The following TMEFF1 variants were observed in gnomAD, a reference collection of about 807,000 sequenced individuals.
TMEFF1 encodes the protein tomoregulin-1.
In TMEFF1, 20 loss-of-function variants were observed where a neutral mutation model predicts 47.5. The ratio of observed to expected loss-of-function variants is 0.42; its 90% CI spans 0.30 to 0.61. The LOEUF (loss-of-function observed/expected upper bound fraction) is 0.61. Ranked by LOEUF, TMEFF1 falls within the 20% of genes least tolerant of loss-of-function variation. TMEFF1 has a pLI of 0.19. For synonymous variants in TMEFF1, 162 were observed against 166.3 expected, an observed-to-expected ratio of 0.97 and a Z score of 0.20; for missense variants, 411 against 471.1, an observed-to-expected ratio of 0.87 and a Z score of 1.18.
At chr9:100,555,445 A>G (rs1838899879) in intron 7 of TMEFF1, among the ~76,000 whole-genome samples, 1 of 152,068 alleles carries the variant, frequency 6.6e-6, no homozygotes, top group South Asian at 2.1e-4. Context: ...TCTGCTTTTT[A>G]TCTGTTTCCT....
At chr9:100,501,523 A>G (rs1218801109) in intron 2 of TMEFF1, among the ~76,000 whole-genome samples, 2 of 152,112 alleles carry the variant, frequency 1.3e-5, no homozygotes, top group African/African-American at 2.4e-5. Flanking sequence ...GCATATATAC[A>G]TACTCTGTGC....
chr9:100,489,612 A>G (rs1837513623), intron 1 of TMEFF1, among the ~76,000 whole-genome samples: 1 of 152,248 alleles, frequency 6.6e-6, no homozygotes, highest in African/African-American at 2.4e-5. Context: ...GAAAGCTTAA[A>G]TTCTACCGAG....
intron 1 of TMEFF1, among the ~76,000 whole-genome samples, chr9:100,496,689 C>A (rs1452919680): frequency 6.6e-6 from 1 of 152,194 alleles, no homozygotes; most frequent in Non-Finnish European, 1.5e-5. Flanking sequence ...ATCCACTGTA[C>A]CTGTAAAGTA....
chr9:100,565,570 TCTC>T (rs1839110863), intron 8 of TMEFF1, among the ~76,000 whole-genome samples: 1 of 152,136 alleles, frequency 6.6e-6, no homozygotes, highest in Non-Finnish European at 1.5e-5. Flanking sequence ...GTTTATACAT[TCTC>T]CTCCTCTCCT....
chr9:100,559,989 A>T (rs1362107047), intron 7 of TMEFF1, among the ~76,000 whole-genome samples: 1 of 151,982 alleles, frequency 6.6e-6, no homozygotes, highest in African/African-American at 2.4e-5. Context: ...TCCTCAGAAA[A>T]TCCGCGTTTT....
chr9:100,484,297 A>G (rs978897163), intron 1 of TMEFF1, among the ~76,000 whole-genome samples: 7 of 151,338 alleles, frequency 4.6e-5, no homozygotes, highest in African/African-American at 1.5e-4. Flanking sequence ...GAACATTTTC[A>G]TCTCCTCCAA....
intron 5 of TMEFF1, among the ~76,000 whole-genome samples, chr9:100,542,730 G>A (rs771839445): frequency 1.3e-5 from 2 of 152,010 alleles, no homozygotes; most frequent in African/African-American, 4.8e-5. Flanking sequence ...TGATATTTCA[G>A]TATGTGGATC....
intron 1 of TMEFF1, among the ~76,000 whole-genome samples, chr9:100,492,675 A>G (rs887808707): frequency 1.3e-5 from 2 of 152,004 alleles, no homozygotes; most frequent in Admixed American, 6.6e-5. Flanking sequence ...AGGTCAGAAA[A>G]TTGGGGGGAT....
chr9:100,557,939 T>C (rs1334230698), intron 7 of TMEFF1, among the ~76,000 whole-genome samples: 1 of 152,124 alleles, frequency 6.6e-6, no homozygotes, highest in African/African-American at 2.4e-5. Flanking sequence ...AGCGGAATAT[T>C]AGACTCTGTG....
intron 5 of TMEFF1, among the ~76,000 whole-genome samples, chr9:100,530,370 T>A (rs1402352750): frequency 6.6e-6 from 1 of 151,416 alleles, no homozygotes; most frequent in African/African-American, 2.4e-5. Context: ...GAGAGAAGAA[T>A]CAAATAGACG....
At chr9:100,565,674 T>A (rs1393191231) in intron 8 of TMEFF1, among the ~76,000 whole-genome samples, 1 of 152,206 alleles carries the variant, frequency 6.6e-6, no homozygotes, top group Non-Finnish European at 1.5e-5. Context: ...TCTTTCCAAG[T>A]TCACTGAGAA....
At chr9:100,499,883 A>G (rs909926079) in intron 2 of TMEFF1, among the ~76,000 whole-genome samples, 1 of 152,222 alleles carries the variant, frequency 6.6e-6, no homozygotes, top group African/African-American at 2.4e-5. Flanking sequence ...GAGGAAGGGT[A>G]TGTAGGTATA....
chr9:100,508,942 ATG>A, intron 2 of TMEFF1, 61 bp from the exon 3 acceptor site: 1 of 1,445,872 alleles, frequency 6.9e-7, no homozygotes, highest in African/African-American at 1.5e-5. Flanking sequence ...GCATTCATGA[ATG>A]TGAAATAAAC....
At chr9:100,522,430 CTTTTTT>C (rs869111876) in intron 5 of TMEFF1, among the ~76,000 whole-genome samples, 18 of 69,644 alleles carry the variant, frequency 2.6e-4, no homozygotes, top group Middle Eastern at 0.02. Context: ...GAAATATCTT[CTTTTTT>C]TTTTTTTTTT....
chr9:100,567,593 G>A (rs1839148104), intron 8 of TMEFF1, among the ~76,000 whole-genome samples: 1 of 152,166 alleles, frequency 6.6e-6, no homozygotes, highest in Non-Finnish European at 1.5e-5. Flanking sequence ...CAATAATTGT[G>A]GTAAATGGAT....
At chr9:100,503,533 GAAAC>G (rs947111606) in intron 2 of TMEFF1, among the ~76,000 whole-genome samples, 1 of 110,276 alleles carries the variant, frequency 9.1e-6, no homozygotes, top group Non-Finnish European at 1.8e-5. Context: ...CAGAGAAACA[GAAAC>G]ACACACACAC....
intron 5 of TMEFF1, among the ~76,000 whole-genome samples, chr9:100,527,422 A>G (rs949785391): frequency 1.3e-5 from 2 of 152,222 alleles, no homozygotes; most frequent in Non-Finnish European, 2.9e-5. Flanking sequence ...GCATTGCCTC[A>G]CTCGGGAAGT....
At chr9:100,555,244 C>G (rs2118530479) in intron 7 of TMEFF1, among the ~76,000 whole-genome samples, 1 of 152,172 alleles carries the variant, frequency 6.6e-6, no homozygotes, top group Non-Finnish European at 1.5e-5. Flanking sequence ...AGTTGTTGTT[C>G]TTGGAGCCTG....
At chr9:100,481,591 C>A (rs1294821662) in intron 1 of TMEFF1, among the ~76,000 whole-genome samples, 1 of 152,056 alleles carries the variant, frequency 6.6e-6, no homozygotes, top group Non-Finnish European at 1.5e-5. Flanking sequence ...GGTTCAAAGA[C>A]ATCAAGAAGC....
Sources: allele counts gnomAD v4.1 joint callset (sites outside exome capture counted in the v4.1 genomes callset), GRCh38; gene constraint gnomAD v4.1.1; transcripts MANE v1.5; gene names NCBI Gene and HGNC (gene_info 2026-07-23, HGNC 2026-07-21).